The following ZBTB20 variants were observed in gnomAD, a reference collection of about 807,000 sequenced individuals.
The protein encoded by ZBTB20 is zinc finger and BTB domain-containing protein 20.
A neutral mutation model predicts 56.9 loss-of-function variants in ZBTB20; 9 were observed. That is an observed-to-expected ratio of 0.16 (90% CI 0.10 to 0.28). The LOEUF is 0.28. Among genes scored for constraint, ZBTB20 ranks in the 10% least tolerant of loss-of-function variants. The pLI is 1.00. For synonymous variants in ZBTB20, 417 were observed against 420.7 expected (o/e 0.99, Z 0.11); for missense variants, 655 against 1,003.0 (o/e 0.65, Z 4.69).
At chr3:114,569,120 A>G (rs2053132523) in intron 6 of ZBTB20, among the ~76,000 whole-genome samples, 1 of 152,224 alleles carries the variant, frequency 6.6e-6, no homozygotes, top group Non-Finnish European at 1.5e-5. Context: ...ATGGTTAATA[A>G]TAATTTAATA....
chr3:114,796,161 T>C (rs555566466), intron 5 of ZBTB20, among the ~76,000 whole-genome samples: 1 of 152,008 alleles, frequency 6.6e-6, no homozygotes, highest in South Asian at 2.1e-4. Context: ...GTAAATTTGA[T>C]AGTTAGGGGA....
At chr3:114,785,228 T>C (rs972315597) in intron 5 of ZBTB20, among the ~76,000 whole-genome samples, 2 of 152,190 alleles carry the variant, frequency 1.3e-5, no homozygotes, top group Admixed American at 6.5e-5. Context: ...TTAAATATTT[T>C]AGGCTTTGTG....
Position 114,413,657 on chromosome 3 carries a change from C to T in ZBTB20, c.-254-24552G>A, listed in dbSNP as rs1219220419. ...GACTAACTATAGTGCTGATATTAAG[C>T]CTGCTGGGGCCAGAAGGTGCACAAA... On this transcript the variant is annotated intron_variant, in intron 7 of 11. Transcript: ENST00000675478. 2.0e-5 allele frequency among the ~76,000 whole-genome samples: 3 copies of T among 152,094 alleles called. No homozygotes were observed. The South Asian group carries it at 6.2e-4, about 32-fold the overall frequency.
chr3:114,818,104 C>T (rs561584393), intron 4 of ZBTB20, among the ~76,000 whole-genome samples: 20 of 152,192 alleles, frequency 1.3e-4, no homozygotes, highest in African/African-American at 4.8e-4. Flanking sequence ...TTCCAATTTC[C>T]TAATCTTACA....
At chr3:114,684,744 C>T (rs1365847440) in intron 6 of ZBTB20, 2 of 151,896 alleles carry the variant, frequency 1.3e-5, no homozygotes, top group African/African-American at 2.4e-5. Flanking sequence ...GTTGATAAAC[C>T]CCTCATTCCT....
intron 5 of ZBTB20, among the ~76,000 whole-genome samples, chr3:114,787,446 T>C (rs2070638311): frequency 6.7e-6 from 1 of 149,948 alleles, no homozygotes; most frequent in Non-Finnish European, 1.5e-5. Context: ...TATACACATA[T>C]ATATACACAT....
At chr3:114,460,450 T>G (rs72950702) in intron 7 of ZBTB20, among the ~76,000 whole-genome samples, 2,724 of 152,208 alleles carry the variant, frequency 0.018, 76 homozygotes, top group African/African-American at 0.057. Flanking sequence ...ACAAAGGTTC[T>G]TATAAGAGAG....
chr3:114,851,427 A>G (rs2074993578), intron 4 of ZBTB20, among the ~76,000 whole-genome samples: 1 of 152,044 alleles, frequency 6.6e-6, no homozygotes, highest in Admixed American at 6.6e-5. Flanking sequence ...TTTACTTAAA[A>G]TTTATCCCTT....
intron 3 of ZBTB20, among the ~76,000 whole-genome samples, chr3:114,901,135 TG>T (rs1351418561): frequency 6.6e-6 from 1 of 152,100 alleles, no homozygotes; most frequent in East Asian, 1.9e-4. Flanking sequence ...CCAGGAGTGG[TG>T]GCTCACGCCT....
chr3:115,034,736 C>A (rs113805004), intron 2 of ZBTB20, among the ~76,000 whole-genome samples: 1 of 151,836 alleles, frequency 6.6e-6, no homozygotes, highest in Non-Finnish European at 1.5e-5. Context: ...AAAATTCACA[C>A]GAAGTATCAG....
At chr3:115,102,209 C>G (rs551679485) in intron 1 of ZBTB20, among the ~76,000 whole-genome samples, 1 of 152,264 alleles carries the variant, frequency 6.6e-6, no homozygotes, top group Non-Finnish European at 1.5e-5. Flanking sequence ...ATATCACCCT[C>G]CCAAGGGTGG....
At position 114,962,008 on chromosome 3, in the gene ZBTB20, A is replaced by G. The variant is rs72960335; in HGVS notation, c.-456+12358T>C. Among the ~76,000 whole-genome samples, 891 of 152,226 alleles carry G rather than the reference A, an allele frequency of 5.9e-3. 12 individuals are homozygous for G. Among genetic ancestry groups the G allele is most frequent in the African/African-American group, 0.021 (862 of 41,566 alleles). On this transcript the variant is annotated intron_variant, in intron 3 of 11. Transcript: ENST00000675478. ...AAAAATGAAGGATAGATTTTTGTCC[A>G]TTAATTACTGCTGTTGCATAAGTTA... is the stretch of plus-strand genomic sequence containing the variant.
At chr3:114,850,956 T>C (rs989265422) in intron 4 of ZBTB20, among the ~76,000 whole-genome samples, 1 of 152,144 alleles carries the variant, frequency 6.6e-6, no homozygotes, top group African/African-American at 2.4e-5. Flanking sequence ...CACAAAGCAA[T>C]GGCTGTAAAT....
Position 114,400,196 on chromosome 3 carries a change from C to T in ZBTB20, c.-254-11091G>A, listed in dbSNP as rs1469383922. Among the ~76,000 whole-genome samples the T allele has an allele frequency of 2.0e-5, 3 of 152,160 alleles. No homozygotes were observed. The East Asian group carries it at 5.8e-4, about 29-fold the overall frequency. On this transcript the variant is annotated intron_variant, in intron 7 of 11. Coordinates refer to ENST00000675478, the MANE Select transcript of ZBTB20 (RefSeq NM_001348800.3). ...GTAAGAACCAGCCGTGTGACCATGG[C>T]CAAGTCACTAACTTTTGTGAGTCTT...
chr3:114,512,156 A>AGT (rs2045474214), intron 6 of ZBTB20, among the ~76,000 whole-genome samples: 2 of 70,046 alleles, frequency 2.9e-5, no homozygotes, highest in African/African-American at 2.7e-4. Context: ...CAGACAATAA[A>AGT]ATAGACAGGG....
intron 4 of ZBTB20, among the ~76,000 whole-genome samples, chr3:114,883,781 A>G (rs1384233211): frequency 6.6e-6 from 1 of 152,038 alleles, no homozygotes; most frequent in Non-Finnish European, 1.5e-5. Context: ...TAGATACAGC[A>G]AAGTCTGCAC....
At chr3:115,093,455 T>C (rs150976884) in intron 1 of ZBTB20, among the ~76,000 whole-genome samples, 4 of 152,226 alleles carry the variant, frequency 2.6e-5, no homozygotes, top group African/African-American at 9.6e-5. Context: ...TTGGTCAAAA[T>C]TACTATACAA....
At chr3:114,639,884 T>C (rs962681236) in intron 6 of ZBTB20, among the ~76,000 whole-genome samples, 1 of 152,060 alleles carries the variant, frequency 6.6e-6, no homozygotes, top group Non-Finnish European at 1.5e-5. Flanking sequence ...TAGGTTCTCA[T>C]AAATATTATC....
chr3:114,821,123 T>C (rs1217373188), intron 4 of ZBTB20, among the ~76,000 whole-genome samples: 1 of 152,124 alleles, frequency 6.6e-6, no homozygotes, highest in Non-Finnish European at 1.5e-5. Flanking sequence ...CAACAGTGCT[T>C]AAAAAATAGC....
Sources: gnomAD v4.1 joint callset for allele counts (sites outside exome capture counted in the v4.1 genomes callset) on GRCh38, gnomAD v4.1.1 for gene constraint, MANE v1.5 for transcripts, NCBI Gene and HGNC (gene_info 2026-07-23, HGNC 2026-07-21) for gene names.